Variants in ITFG1 observed in about 807,000 individuals in gnomAD.
ITFG1 encodes integrin alpha FG-GAP repeat containing 1.
In ITFG1, 34 loss-of-function variants were observed where a neutral mutation model predicts 81.8. That is an observed-to-expected ratio of 0.42 (90% CI 0.32 to 0.55). ITFG1 has a LOEUF of 0.55. ITFG1 is among the 20% of genes least tolerant of loss of function. ITFG1 has a pLI of 0.17. For missense variants in ITFG1, 672 were observed against 755.4 expected (o/e 0.89, Z 1.29); for synonymous variants, 285 against 270.6 (o/e 1.05, Z -0.52).
At chr16:47,423,411 T>G in intron 6 of ITFG1, among the ~76,000 whole-genome samples, 1 of 152,210 alleles carries the variant, frequency 6.6e-6, no homozygotes, top group East Asian at 1.9e-4. Context: ...GTCTTTAAAC[T>G]GGGGCATTTA....
intron 8 of ITFG1, among the ~76,000 whole-genome samples, chr16:47,321,104 C>T (rs960827971): frequency 3.9e-5 from 6 of 152,140 alleles, no homozygotes; most frequent in African/African-American, 7.2e-5. Context: ...AGTCAAAATG[C>T]CTCCTTCCAC....
intron 6 of ITFG1, among the ~76,000 whole-genome samples, chr16:47,390,540 C>T (rs1596951969): frequency 6.6e-6 from 1 of 152,122 alleles, no homozygotes; most frequent in Admixed American, 6.6e-5. Context: ...TTCACTGCAA[C>T]CTCCATCTCC....
At chr16:47,192,841 C>T (rs1319317236) in intron 14 of ITFG1, among the ~76,000 whole-genome samples, 2 of 152,214 alleles carry the variant, frequency 1.3e-5, no homozygotes, top group Non-Finnish European at 2.9e-5. Flanking sequence ...GCTTTTGACC[C>T]TGAGAACTTG....
At chr16:47,242,349 G>C (rs192271190) in intron 12 of ITFG1, among the ~76,000 whole-genome samples, 84 of 151,160 alleles carry the variant, frequency 5.6e-4, no homozygotes, top group Admixed American at 2.0e-3. Flanking sequence ...AAAAAACACT[G>C]AGAAAGACAC....
At chr16:47,433,210 A>G (rs1449471631) in intron 5 of ITFG1, among the ~76,000 whole-genome samples, 2 of 152,242 alleles carry the variant, frequency 1.3e-5, no homozygotes, top group Non-Finnish European at 2.9e-5. Context: ...GTGATAAATC[A>G]GAAGTCATAA....
chr16:47,392,884 T>C (rs948181155), intron 6 of ITFG1, among the ~76,000 whole-genome samples: 3 of 152,064 alleles, frequency 2.0e-5, no homozygotes, highest in Non-Finnish European at 4.4e-5. Context: ...ATGTAAGTAA[T>C]AGAAAAATCA....
intron 10 of ITFG1, among the ~76,000 whole-genome samples, chr16:47,276,966 C>T (rs959662910): frequency 2.0e-5 from 3 of 152,076 alleles, no homozygotes; most frequent in South Asian, 4.1e-4. Context: ...ATCATTATTA[C>T]CTAAATAAGA....
intron 12 of ITFG1, among the ~76,000 whole-genome samples, chr16:47,248,881 C>A (rs750974215): frequency 5.9e-5 from 9 of 152,132 alleles, no homozygotes; most frequent in Non-Finnish European, 1.2e-4. Context: ...AGGACAGACA[C>A]CTGTATGCAA....
rs182575890 is a variant in ITFG1, at chr16:47,366,952, T to C, written c.721-1083A>G. Among the ~76,000 whole-genome samples, 561 of 152,296 alleles carry C rather than the reference T, an allele frequency of 3.7e-3. 4 individuals carry two copies. Among genetic ancestry groups the C allele is most frequent in the African/African-American group, 0.013 (541 of 41,564 alleles). On this transcript the variant is annotated intron_variant, in intron 7 of 17. Transcript: ENST00000320640. ...ATTTCTGCAGTGGATACTACCTGGCTGTCCTCTAATTCCACAGGTTGAGGG... is the reference window on the plus strand; with the variant it reads ...ATTTCTGCAGTGGATACTACCTGGCCGTCCTCTAATTCCACAGGTTGAGGG...
chr16:47,182,194 CA>C (rs998461467), intron 14 of ITFG1, among the ~76,000 whole-genome samples: 2 of 139,654 alleles, frequency 1.4e-5, no homozygotes, highest in African/African-American at 5.3e-5. Flanking sequence ...AAAAAAAAAA[CA>C]AAAAAACAGG....
chr16:47,256,962 G>A (rs1200710086), intron 12 of ITFG1, among the ~76,000 whole-genome samples: 5 of 152,130 alleles, frequency 3.3e-5, no homozygotes, highest in Non-Finnish European at 7.4e-5. Context: ...CACCAGTTCA[G>A]GATAGAACTC....
At chr16:47,444,743 G>T (rs1461460519) in intron 5 of ITFG1, among the ~76,000 whole-genome samples, 6 of 152,022 alleles carry the variant, frequency 3.9e-5, no homozygotes, top group Non-Finnish European at 8.8e-5. Flanking sequence ...CGAATTTGAT[G>T]GTCCTAGAGA....
intron 12 of ITFG1, among the ~76,000 whole-genome samples, chr16:47,243,086 T>C (rs1229703739): frequency 6.6e-6 from 1 of 152,136 alleles, no homozygotes; most frequent in East Asian, 1.9e-4. Flanking sequence ...TACAGCACTA[T>C]TCATAATAAG....
At chr16:47,461,236 C>T (rs549347228), upstream of ITFG1, 27 of 1,009,700 alleles carry the variant, frequency 2.7e-5, no homozygotes, top group Middle Eastern at 3.1e-4. Flanking sequence ...GTGAAAGCCG[C>T]CCTCACGCTC....
intron 5 of ITFG1, among the ~76,000 whole-genome samples, chr16:47,450,763 T>A (rs541777833): frequency 2.0e-5 from 3 of 152,210 alleles, no homozygotes; most frequent in South Asian, 2.1e-4. Context: ...AGGTATCTTA[T>A]GAAAAGTATC....
intron 6 of ITFG1, among the ~76,000 whole-genome samples, chr16:47,386,137 C>T (rs1029416565): frequency 6.6e-6 from 1 of 152,066 alleles, no homozygotes; most frequent in Non-Finnish European, 1.5e-5. Context: ...GTGATCCCTA[C>T]AGACCTGCTC....
At chr16:47,385,359 C>A (rs1025158501) in intron 6 of ITFG1, among the ~76,000 whole-genome samples, 1 of 152,128 alleles carries the variant, frequency 6.6e-6, no homozygotes, top group Non-Finnish European at 1.5e-5. Context: ...ATAAAAATTG[C>A]TCTTATATGC....
At chr16:47,417,342 G>A (rs1458595812) in intron 6 of ITFG1, among the ~76,000 whole-genome samples, 3 of 152,088 alleles carry the variant, frequency 2.0e-5, no homozygotes, top group African/African-American at 7.2e-5. Context: ...AATATATAAT[G>A]ATCAAACTAG....
intron 14 of ITFG1, among the ~76,000 whole-genome samples, chr16:47,180,923 T>C (rs1181266064): frequency 4.7e-5 from 6 of 126,946 alleles, no homozygotes; most frequent in African/African-American, 9.1e-5. Context: ...GCTGCCATCC[T>C]GTCTAGGAAG....
Sources: gnomAD v4.1 joint callset for allele counts (sites outside exome capture counted in the v4.1 genomes callset) on GRCh38, gnomAD v4.1.1 for gene constraint, MANE v1.5 for transcripts, NCBI Gene and HGNC (gene_info 2026-07-23, HGNC 2026-07-21) for gene names.